ACAT2: variants seen among roughly 807,000 people sequenced by gnomAD.
The protein encoded by ACAT2 is acetyl-CoA acetyltransferase 2.
Under a neutral mutation model 37.1 loss-of-function variants are expected in ACAT2, and 26 were observed. The observed-to-expected ratio is 0.70, with a 90% CI of 0.51 to 0.97. The LOEUF (loss-of-function observed/expected upper bound fraction) is 0.97, where lower values mean the gene tolerates loss of function less well. Among genes scored for constraint, ACAT2 ranks in the 50% least tolerant of loss-of-function variants. The pLI is 0.00. For synonymous variants in ACAT2, 156 were observed against 163.6 expected, an observed-to-expected ratio of 0.95 and a Z score of 0.35; for missense variants, 468 against 489.0, an observed-to-expected ratio of 0.96 and a Z score of 0.40.
rs1780160618 is a variant in ACAT2 at position 159,762,404 on chromosome 6, G to T, written c.55+262G>T. On this transcript the variant is annotated intron_variant, in intron 1 of 8. Transcript: ENST00000367048. ...CCGGGGTAGAGCCATCGCGTGGCCT[G>T]CCTCTCCCATTGGTTGGCGTAGGGA... 2.9e-6 allele frequency: 4 copies of T among 1,377,144 alleles called. No individual in the cohort carries two copies. The South Asian group carries it at 6.1e-5, about 21-fold the overall frequency. 85.3% of individuals were successfully genotyped at this position (1,377,144 alleles called of 1,614,324 possible).
At chr6:159,765,541 T>A (rs1780240786) in intron 2 of ACAT2, among the ~76,000 whole-genome samples, 1 of 152,080 alleles carries the variant, frequency 6.6e-6, no homozygotes, top group Non-Finnish European at 1.5e-5. Flanking sequence ...GCAATTCTCC[T>A]GCCTCAACCT....
intron 4 of ACAT2, among the ~76,000 whole-genome samples, chr6:159,771,594 T>TA (rs1780337499): frequency 2.1e-5 from 3 of 142,422 alleles, no homozygotes; most frequent in Admixed American, 7.2e-5. Context: ...AGCAAAAAGT[T>TA]AAAAAAAGAT....
intron 2 of ACAT2, among the ~76,000 whole-genome samples, chr6:159,763,501 C>T (rs1206208250): frequency 1.3e-5 from 2 of 152,046 alleles, no homozygotes; most frequent in East Asian, 1.9e-4. Context: ...TGTGTCACTG[C>T]ACTCCGTCAT....
At chr6:159,776,092 C>G in intron 5 of ACAT2, 58 bp from the exon 6 acceptor site, 1 of 1,581,306 alleles carries the variant, frequency 6.3e-7, no homozygotes, top group Non-Finnish European at 8.6e-7. Flanking sequence ...CCACCATTCC[C>G]AGCACACTTA....
chr6:159,772,460 G>A (rs1780352639), intron 4 of ACAT2, among the ~76,000 whole-genome samples: 1 of 152,164 alleles, frequency 6.6e-6, no homozygotes, highest in African/African-American at 2.4e-5. Context: ...TCAATGGAAT[G>A]AAATGGAGAA....
rs908239267 is a variant in ACAT2, at chr6:159,762,423, G to A, written c.55+281G>A. 27 of 1,370,806 alleles carry A rather than the reference G, an allele frequency of 2.0e-5. No homozygotes were observed. In the African/African-American group the frequency reaches 3.4e-4, roughly 17 times the overall value. 84.9% of individuals were successfully genotyped at this position (1,370,806 alleles called of 1,614,324 possible). A position where few individuals can be genotyped will look rare whatever the true frequency, so the allele number is the denominator to read the frequency against. On this transcript the variant is annotated intron_variant, in intron 1 of 8. Coordinates refer to ENST00000367048, the MANE Select transcript of ACAT2 (RefSeq NM_005891.3). ...TGGCCTGCCTCTCCCATTGGTTGGC[G>A]TAGGGAGGTGTTCTCCTCCGGGGCC...
chr6:159,776,300 G>A (rs763885868), intron 6 of ACAT2, 28 bp downstream of exon 6: 4 of 1,610,960 alleles, frequency 2.5e-6, no homozygotes, highest in Non-Finnish European at 8.5e-7. Context: ...ACATCTGGGG[G>A]AATACTATGT....
chr6:159,774,904 T>C (rs1780389363), intron 4 of ACAT2, among the ~76,000 whole-genome samples: 1 of 152,192 alleles, frequency 6.6e-6, no homozygotes, highest in African/African-American at 2.4e-5. Flanking sequence ...AAAATATAAA[T>C]GGTGACTCTG....
intron 7 of ACAT2, 93 bp from the exon 8 acceptor site, chr6:159,778,077 A>G (rs898632368): frequency 5.0e-6 from 4 of 797,264 alleles, no homozygotes; most frequent in Middle Eastern, 4.6e-4. Flanking sequence ...AGTTACCAGT[A>G]TCATGCAGCA....
intron 4 of ACAT2, among the ~76,000 whole-genome samples, chr6:159,771,092 A>T (rs571432305): frequency 5.3e-5 from 8 of 151,816 alleles, no homozygotes; most frequent in Non-Finnish European, 1.0e-4. Context: ...AAATTAAATT[A>T]AAAAATAGGC....
intron 4 of ACAT2, among the ~76,000 whole-genome samples, chr6:159,774,189 C>CTGA (rs1344341880): frequency 3.9e-5 from 6 of 152,162 alleles, no homozygotes; most frequent in Admixed American, 6.5e-5. Context: ...TAATCTAATT[C>CTGA]TGAGGAAACA....
At chr6:159,766,866 TGCCTCCAGTGGG>T in intron 2 of ACAT2, 127 bp from the exon 3 acceptor site, 3 of 898,570 alleles carry the variant, frequency 3.3e-6, no homozygotes, top group Admixed American at 2.2e-5. Flanking sequence ...CAGGCCTTTT[TGCCTCCAGTGGG>T]CACTTACTTG....
At chr6:159,763,541 C>T (rs1296283792) in intron 2 of ACAT2, among the ~76,000 whole-genome samples, 2 of 149,270 alleles carry the variant, frequency 1.3e-5, no homozygotes, top group Admixed American at 1.3e-4. Context: ...CTTCTCTAAA[C>T]AAACAAAAAG....
At position 159,778,479 on chromosome 6, in the gene ACAT2, G is replaced by A. The variant is rs189123529; in HGVS notation, c.1024-180G>A. ...TTGGCTTACTTGGCATAAAAGGAACGAGGTAAGATAGGCAGGGATGAATTT... is the reference window on the plus strand; with the variant it reads ...TTGGCTTACTTGGCATAAAAGGAACAAGGTAAGATAGGCAGGGATGAATTT... On this transcript the variant is annotated intron_variant, in intron 8 of 8. Transcript: ENST00000367048. 4.4e-4 allele frequency: 307 copies of A among 700,432 alleles called. No homozygotes were observed. In the African/African-American group the frequency reaches 4.8e-3, roughly 11 times the overall value. 43.4% of individuals were successfully genotyped at this position (700,432 alleles called of 1,614,324 possible). A position where few individuals can be genotyped will look rare whatever the true frequency, so the allele number is the denominator to read the frequency against.
chr6:159,763,254 T>C (rs1780187495), intron 2 of ACAT2, among the ~76,000 whole-genome samples: 1 of 152,144 alleles, frequency 6.6e-6, no homozygotes, highest in Non-Finnish European at 1.5e-5. Context: ...TCTATCCAGC[T>C]TGAGACTCAG....
At chr6:159,767,478 G>A (rs1211495919) in intron 3 of ACAT2, among the ~76,000 whole-genome samples, 1 of 152,190 alleles carries the variant, frequency 6.6e-6, no homozygotes, top group Non-Finnish European at 1.5e-5. Flanking sequence ...GTTGCTTGAT[G>A]TCCTTGGTTT....
intron 4 of ACAT2, among the ~76,000 whole-genome samples, chr6:159,774,029 C>T (rs1397180913): frequency 6.6e-6 from 1 of 152,106 alleles, no homozygotes; most frequent in Non-Finnish European, 1.5e-5. Flanking sequence ...CCTTTAAAAG[C>T]TAGAAACCTG....
In ACAT2 at chr6:159,768,650, C is replaced by G. The variant is rs369004415; in HGVS notation, c.490+22C>G. 45 of 1,534,018 alleles carry G rather than the reference C, an allele frequency of 2.9e-5. No homozygotes were observed. Among genetic ancestry groups the G allele is most frequent in the Non-Finnish European group, 1.1e-5 (12 of 1,107,820 alleles). On this transcript the variant is annotated intron_variant, in intron 4 of 8. Coordinates refer to ENST00000367048, the MANE Select transcript of ACAT2 (RefSeq NM_005891.3). Reference sequence around the variant, plus strand: ...ACAGGTAAGGCAGACATGGCTGAAACTGTATTAGCTTTAAAAAGGTTAAAA... The same window carrying G: ...ACAGGTAAGGCAGACATGGCTGAAAGTGTATTAGCTTTAAAAAGGTTAAAA...
At chr6:159,778,019 A>C (rs1043175760) in intron 7 of ACAT2, 151 bp from the exon 8 acceptor site, 4 of 548,048 alleles carry the variant, frequency 7.3e-6, no homozygotes, top group Non-Finnish European at 1.3e-5. Context: ...CTAAGGCAAA[A>C]ATGTGTGAGA....
Sources: allele counts gnomAD v4.1 joint callset (sites outside exome capture counted in the v4.1 genomes callset), GRCh38; gene constraint gnomAD v4.1.1; transcripts MANE v1.5; gene names NCBI Gene and HGNC (gene_info 2026-07-23, HGNC 2026-07-21).